FSTL4: variants seen among roughly 807,000 people sequenced by gnomAD.
FSTL4 encodes the protein follistatin-related protein 4.
In FSTL4, 28 loss-of-function variants were observed where a neutral mutation model predicts 78.2. The observed-to-expected ratio is 0.36, with a 90% CI of 0.27 to 0.49. The LOEUF is 0.49. FSTL4 is among the 20% of genes least tolerant of loss of function. The probability of loss-of-function intolerance (pLI) is 0.98; values close to 1 mark genes in which losing one functional copy is unlikely to be tolerated. For synonymous variants in FSTL4, 422 were observed against 440.5 expected, an observed-to-expected ratio of 0.96 and a Z score of 0.53; for missense variants, 922 against 1,084.9, an observed-to-expected ratio of 0.85 and a Z score of 2.11.
intron 4 of FSTL4, among the ~76,000 whole-genome samples, chr5:133,331,430 T>C (rs1754343862): frequency 6.6e-6 from 1 of 152,130 alleles, no homozygotes. Context: ...ATCAATGCCA[T>C]TGAACTGCAG....
At position 133,426,505 on chromosome 5, in the gene FSTL4, A is replaced by C. The variant is rs1756820127; in HGVS notation, c.161-25519T>G. Among the ~76,000 whole-genome samples, 1 of 152,190 alleles carries C rather than the reference A, an allele frequency of 6.6e-6. No homozygotes were observed. The highest frequency in any genetic ancestry group is 2.4e-5 in the African/African-American group (1 of 41,446). ...AGAGATCATTAGGAAGAGACTAACA[A>C]TTCTGATCCCTCATAACGGAGCTCT... is the stretch of plus-strand genomic sequence containing the variant. On this transcript the variant is annotated intron_variant, in intron 3 of 15. Coordinates refer to ENST00000265342, the MANE Select transcript of FSTL4 (RefSeq NM_015082.2). This position sits in a 1 kb window ranked among gnomAD's most constrained non-coding sequence, Gnocchi z 5.0.
In FSTL4 at chr5:133,249,668, A is replaced by G; in HGVS notation, c.728-92T>C. On this transcript the variant is annotated intron_variant, in intron 6 of 15. Transcript: ENST00000265342. ...AATAGCCATGAATTTCCTGGGTGGA[A>G]GAGGCCCAGAAGGGCTTCACGACTC... 7 of 990,598 alleles carry G rather than the reference A, an allele frequency of 7.1e-6. No homozygotes were observed. In the South Asian group the frequency reaches 7.5e-5, roughly 11 times the overall value. The allele number at this position is 990,598 out of a possible 1,614,324, so 61.4% of individuals were successfully genotyped here. A position where few individuals can be genotyped will look rare whatever the true frequency, so the allele number is the denominator to read the frequency against.
intron 6 of FSTL4, among the ~76,000 whole-genome samples, chr5:133,291,943 A>T (rs1753273005): frequency 1.3e-5 from 2 of 152,202 alleles, no homozygotes; most frequent in Non-Finnish European, 2.9e-5. Context: ...TTTCAGACCT[A>T]AGCCTTGAAC....
the FSTL4 span, among the ~76,000 whole-genome samples, chr5:133,718,788 A>G: frequency 6.6e-6 from 1 of 152,196 alleles, no homozygotes; most frequent in Non-Finnish European, 1.5e-5. Context: ...ATTAGCAAGC[A>G]TTTACTCTTG....
At chr5:133,800,947 TG>T in the FSTL4 span, among the ~76,000 whole-genome samples, 1 of 142,928 alleles carries the variant, frequency 7.0e-6, no homozygotes, top group Non-Finnish European at 1.5e-5. Context: ...GGTGGGGAGG[TG>T]GGGAGGTGGG....
the FSTL4 span, among the ~76,000 whole-genome samples, chr5:133,705,664 G>A: frequency 1.3e-5 from 2 of 152,164 alleles, no homozygotes; most frequent in African/African-American, 4.8e-5. Context: ...CTAGGGGCAT[G>A]GGACTTGGCA....
the FSTL4 span, among the ~76,000 whole-genome samples, chr5:133,717,847 C>A: frequency 6.6e-6 from 1 of 152,190 alleles, no homozygotes; most frequent in Non-Finnish European, 1.5e-5. Flanking sequence ...GGATTGTTGC[C>A]AGTTTTTAAC....
At chr5:133,716,940 C>T in the FSTL4 span, among the ~76,000 whole-genome samples, 1 of 152,166 alleles carries the variant, frequency 6.6e-6, no homozygotes, top group Non-Finnish European at 1.5e-5. Flanking sequence ...AGTATTTGTC[C>T]CTTGGCCAAT....
intron 6 of FSTL4, among the ~76,000 whole-genome samples, chr5:133,293,422 C>T (rs1753315020): frequency 6.6e-6 from 1 of 152,220 alleles, no homozygotes; most frequent in Admixed American, 6.5e-5. Flanking sequence ...CCCTGGCTTC[C>T]TTGACATGCC....
At chr5:133,397,016 T>G (rs1756073793) in intron 4 of FSTL4, among the ~76,000 whole-genome samples, 1 of 152,180 alleles carries the variant, frequency 6.6e-6, no homozygotes. Flanking sequence ...TTCCATAATT[T>G]CATGGTTTGT....
At chr5:133,455,137 G>A (rs556525152) in intron 3 of FSTL4, among the ~76,000 whole-genome samples, 2 of 152,356 alleles carry the variant, frequency 1.3e-5, no homozygotes, top group South Asian at 4.1e-4. Flanking sequence ...GAGGTTTGTG[G>A]TTGAGTTGAG....
rs1049259279 is a variant in FSTL4, at chr5:133,611,481, C to G, written c.-11+844G>C. Among the ~76,000 whole-genome samples, 1 of 152,194 alleles carries G rather than the reference C, an allele frequency of 6.6e-6. No homozygotes were observed. Among genetic ancestry groups the G allele is most frequent in the Admixed American group, 6.5e-5 (1 of 15,292 alleles). On this transcript the variant is annotated intron_variant, in intron 1 of 15. Transcript: ENST00000265342. The surrounding 1 kb of genome is among the most constrained non-coding windows in gnomAD (Gnocchi z 4.9). ...AGTGCTGTGCCTGCCTCGTCCAGGT[C>G]CCTCCTGAAACTCAGAACTCGTCTT...
intron 8 of FSTL4, among the ~76,000 whole-genome samples, chr5:133,230,250 G>A (rs1197147280): frequency 6.6e-6 from 1 of 152,138 alleles, no homozygotes; most frequent in African/African-American, 2.4e-5. Flanking sequence ...GGTAAAGCAC[G>A]ATGCTGGGCT....
chr5:133,619,653 A>G, the FSTL4 span, among the ~76,000 whole-genome samples: 1 of 152,326 alleles, frequency 6.6e-6, no homozygotes. Context: ...TATGGAGAAC[A>G]TTTAATTAAC....
intron 5 of FSTL4, among the ~76,000 whole-genome samples, chr5:133,314,998 C>T (rs979787177): frequency 6.6e-6 from 1 of 152,054 alleles, no homozygotes; most frequent in African/African-American, 2.4e-5. Context: ...CATATCTCTA[C>T]TAAAAATGCA....
intron 4 of FSTL4, among the ~76,000 whole-genome samples, chr5:133,335,466 C>T (rs1417970538): frequency 6.6e-6 from 1 of 151,966 alleles, no homozygotes; most frequent in Non-Finnish European, 1.5e-5. Context: ...TCAAGATGGA[C>T]TTTTCTGCCC....
the FSTL4 span, among the ~76,000 whole-genome samples, chr5:133,835,051 G>A: frequency 2.0e-5 from 3 of 152,122 alleles, no homozygotes; most frequent in Non-Finnish European, 4.4e-5. Flanking sequence ...AGATGCTTCA[G>A]GCAAGTTTGC....
the FSTL4 span, among the ~76,000 whole-genome samples, chr5:133,739,388 C>T: frequency 1.3e-5 from 2 of 151,486 alleles, no homozygotes; most frequent in African/African-American, 2.4e-5. Flanking sequence ...GAGTCGCAGG[C>T]GAGGAACAGC....
chr5:133,286,757 A>C (rs1352456505), intron 6 of FSTL4, among the ~76,000 whole-genome samples: 1 of 152,204 alleles, frequency 6.6e-6, no homozygotes, highest in Non-Finnish European at 1.5e-5. Flanking sequence ...CAAGCAGATC[A>C]GCCTTCTTTG....
Sources: gnomAD v4.1 joint callset for allele counts (sites outside exome capture counted in the v4.1 genomes callset) on GRCh38, gnomAD v4.1.1 for gene constraint, Gnocchi (gnomAD v3.1) non-coding constraint, MANE v1.5 for transcripts, NCBI Gene and HGNC (gene_info 2026-07-23, HGNC 2026-07-21) for gene names.